Variants in ACTR3B observed in about 807,000 individuals in gnomAD.
ACTR3B encodes actin-related protein 3B.
Under a neutral mutation model 59.0 loss-of-function variants are expected in ACTR3B, and 8 were observed. The ratio of observed to expected loss-of-function variants is 0.14; its 90% CI spans 0.08 to 0.24. The LOEUF (loss-of-function observed/expected upper bound fraction) is 0.24. ACTR3B is among the 10% of genes least tolerant of loss of function. The pLI, the probability that ACTR3B is intolerant of heterozygous loss-of-function variation, is 1.00. For missense variants in ACTR3B, 245 were observed against 552.3 expected (o/e 0.44, Z 5.58); for synonymous variants, 148 against 197.9 (o/e 0.75, Z 2.12).
At chr7:152,844,824 A>G (rs1798142874) in intron 9 of ACTR3B, among the ~76,000 whole-genome samples, 2 of 143,664 alleles carry the variant, frequency 1.4e-5, no homozygotes, top group Non-Finnish European at 3.1e-5. Flanking sequence ...GTATCACTCC[A>G]AGGATTTAAT....
intron 9 of ACTR3B, among the ~76,000 whole-genome samples, chr7:152,847,177 G>T (rs1466588821): frequency 6.6e-6 from 1 of 151,550 alleles, no homozygotes; most frequent in Non-Finnish European, 1.5e-5. Flanking sequence ...CTAGTGCCCG[G>T]GCTGTAGTCT....
At chr7:152,774,379 G>T (rs1186701045) in intron 1 of ACTR3B, among the ~76,000 whole-genome samples, 1 of 152,048 alleles carries the variant, frequency 6.6e-6, no homozygotes, top group South Asian at 2.1e-4. Context: ...CAGGTGATCC[G>T]CCTGCCTCGG....
intron 2 of ACTR3B, among the ~76,000 whole-genome samples, chr7:152,792,298 C>T (rs1590267561): frequency 6.6e-6 from 1 of 152,246 alleles, no homozygotes; most frequent in East Asian, 1.9e-4. Flanking sequence ...TTAGAAAACG[C>T]AAGAGGAAAA....
In ACTR3B at chr7:152,845,239, G is replaced by T. The variant is rs191033437; in HGVS notation, c.952-6887G>T. Among the ~76,000 whole-genome samples, 1,189 of 152,096 alleles carry T rather than the reference G, an allele frequency of 7.8e-3. 21 individuals are homozygous for T. Among genetic ancestry groups the T allele is most frequent in the African/African-American group, 0.027 (1,115 of 41,446 alleles). ...GGACTCAGAGCACCCCTCAGTTAGT[G>T]TTTTCATTTTTTGCCCTTTTTCTGT... On this transcript the variant is annotated intron_variant, in intron 9 of 11. Transcript: ENST00000256001.
At chr7:152,817,429 G>A (rs1173177493) in intron 6 of ACTR3B, among the ~76,000 whole-genome samples, 1 of 152,196 alleles carries the variant, frequency 6.6e-6, no homozygotes, top group Non-Finnish European at 1.5e-5. Flanking sequence ...GTACATTTTG[G>A]CTTGCAGAAG....
rs930371815 is a variant in ACTR3B at position 152,780,930 on chromosome 7, C to T, written c.45-2257C>T. Among the ~76,000 whole-genome samples, 4 of 150,078 alleles carry T rather than the reference C, an allele frequency of 2.7e-5. No homozygotes were observed. The East Asian group carries it at 7.8e-4, about 29-fold the overall frequency. ...GGGCAGTCATAGTTCACTGCAACCT[C>T]GAACTCCTGGGCTTAACGGGTCCTC... On this transcript the variant is annotated intron_variant, in intron 1 of 11. Coordinates refer to ENST00000256001, the MANE Select transcript of ACTR3B (RefSeq NM_020445.6).
At chr7:152,792,615 C>T (rs1222902575) in intron 2 of ACTR3B, among the ~76,000 whole-genome samples, 3 of 151,988 alleles carry the variant, frequency 2.0e-5, no homozygotes, top group Middle Eastern at 3.4e-3. Flanking sequence ...GGTGTGGTGG[C>T]GTGCACCTGT....
chr7:152,792,838 T>C (rs1438307855), intron 2 of ACTR3B, among the ~76,000 whole-genome samples: 3 of 152,118 alleles, frequency 2.0e-5, no homozygotes, highest in African/African-American at 7.2e-5. Flanking sequence ...GAAGTAGGTG[T>C]GCTGTTGACA....
intron 11 of ACTR3B, among the ~76,000 whole-genome samples, chr7:152,853,986 G>A (rs531494069): frequency 1.8e-4 from 28 of 152,106 alleles, no homozygotes; most frequent in Non-Finnish European, 4.0e-4. Context: ...CCTTGGCCTC[G>A]CAAAGTGCTG....
chr7:152,852,307 G>C (rs1798875083), intron 10 of ACTR3B, 56 bp downstream of exon 10: 2 of 1,544,466 alleles, frequency 1.3e-6, no homozygotes, highest in Non-Finnish European at 1.7e-6. Flanking sequence ...GGCCTGACCG[G>C]GGCCCTCCTG....
Position 152,820,256 on chromosome 7 carries a change from C to T in ACTR3B, c.541-43C>T, listed in dbSNP as rs142567659. The T allele has an allele frequency of 8.0e-3, 12,573 of 1,572,534 alleles. 69 individuals are homozygous for T. The highest frequency in any genetic ancestry group is 0.023 in the Middle Eastern group (134 of 5,870). On this transcript the variant is annotated intron_variant, in intron 6 of 11. Coordinates refer to ENST00000256001, the MANE Select transcript of ACTR3B (RefSeq NM_020445.6). ...TGTGAGTCCAGGCTGCTCTCCACCA[C>T]GAAATCACTAACACAGCTGTTCTGC...
At chr7:152,812,835 C>T (rs1278137862) in intron 4 of ACTR3B, 1 of 102,354 alleles carries the variant, frequency 9.8e-6, no homozygotes, top group Non-Finnish European at 2.1e-5. Context: ...TTAGTCTACT[C>T]GGCTGCTGTA....
At chr7:152,853,146 T>A (rs143823664) in intron 10 of ACTR3B, among the ~76,000 whole-genome samples, 1,598 of 151,658 alleles carry the variant, frequency 0.011, 26 homozygotes, top group African/African-American at 0.036. Context: ...TTTGGGATGA[T>A]CTCTACAGTG....
Position 152,854,993 on chromosome 7 carries a change from T to C in ACTR3B, c.*440T>C, listed in dbSNP as rs1799146837. On this transcript the variant is annotated 3_prime_UTR_variant, in exon 12 of 12. Transcript: ENST00000256001. This position sits in a 1 kb window ranked among gnomAD's most constrained non-coding sequence, Gnocchi z 4.9. ...AACTTGAAATACAAATCGATGTTTA[T>C]ATTTCCTATCATTTTGTATTTTATG... The C allele has an allele frequency of 6.2e-6, 1 of 161,788 alleles. No individual in the cohort carries two copies. Among genetic ancestry groups the C allele is most frequent in the Admixed American group, 6.1e-5 (1 of 16,268 alleles). The allele number at this position is 161,788 out of a possible 1,614,324, so 10.0% of individuals were successfully genotyped here.
intron 9 of ACTR3B, among the ~76,000 whole-genome samples, chr7:152,832,655 C>A (rs753470729): frequency 1.3e-5 from 2 of 152,168 alleles, no homozygotes; most frequent in Non-Finnish European, 2.9e-5. Flanking sequence ...AGCCACCACA[C>A]CTGGCCACTA....
In ACTR3B at chr7:152,854,368, A is replaced by T. The variant is rs1475182275; in HGVS notation, c.1162-90A>T. The T allele has an allele frequency of 1.7e-6, 2 of 1,186,264 alleles. No individual in the cohort carries two copies. The highest frequency in any genetic ancestry group is 4.7e-5 in the East Asian group (2 of 42,790). The allele number at this position is 1,186,264 out of a possible 1,614,324, so 73.5% of individuals were successfully genotyped here. A position where few individuals can be genotyped will look rare whatever the true frequency, so the allele number is the denominator to read the frequency against. On this transcript the variant is annotated intron_variant, in intron 11 of 11. Coordinates refer to ENST00000256001, the MANE Select transcript of ACTR3B (RefSeq NM_020445.6). This position sits in a 1 kb window ranked among gnomAD's most constrained non-coding sequence, Gnocchi z 4.9. ...CCTGGGAGGGAGGGTGGAGGCCGGG[A>T]TGAGGAGAGTGTCTTGCCTGCTTGG...
At chr7:152,841,688 T>C (rs1371383193) in intron 9 of ACTR3B, among the ~76,000 whole-genome samples, 2 of 152,238 alleles carry the variant, frequency 1.3e-5, no homozygotes, top group Admixed American at 6.5e-5. Flanking sequence ...CTCAATCTTA[T>C]GTCCTCACAC....
chr7:152,762,452 G>A (rs959119854), intron 1 of ACTR3B, among the ~76,000 whole-genome samples: 2 of 152,118 alleles, frequency 1.3e-5, no homozygotes, highest in Non-Finnish European at 2.9e-5. Context: ...GTTAACATTT[G>A]CTTTGTCACT....
chr7:152,836,911 G>A (rs1047147383), intron 9 of ACTR3B, among the ~76,000 whole-genome samples: 2 of 152,226 alleles, frequency 1.3e-5, no homozygotes, highest in Non-Finnish European at 2.9e-5. Context: ...TGGCTCATGT[G>A]TGTAATCCCA....
Sources: allele counts gnomAD v4.1 joint callset (sites outside exome capture counted in the v4.1 genomes callset), GRCh38; gene constraint gnomAD v4.1.1; non-coding constraint Gnocchi (gnomAD v3.1); transcripts MANE v1.5; gene names NCBI Gene and HGNC (gene_info 2026-07-23, HGNC 2026-07-21).